KCNQ1: variants seen among roughly 807,000 people sequenced by gnomAD.
KCNQ1 encodes potassium voltage-gated channel subfamily Q member 1, also known as potassium voltage-gated channel subfamily KQT member 1.
Under a neutral mutation model 72.4 loss-of-function variants are expected in KCNQ1, and 49 were observed. The observed-to-expected ratio is 0.68, with a 90% confidence interval of 0.54 to 0.86. The LOEUF (loss-of-function observed/expected upper bound fraction) is 0.86. KCNQ1 is among the 40% of genes least tolerant of loss of function. The pLI is 0.00. For missense variants in KCNQ1, 790 were observed against 945.1 expected (o/e 0.84, Z 2.15); for synonymous variants, 450 against 412.6 (o/e 1.09, Z -1.10).
chr11:2,718,070 C>T (rs540640282), intron 11 of KCNQ1, among the ~76,000 whole-genome samples: 7 of 152,130 alleles, frequency 4.6e-5, no homozygotes, highest in African/African-American at 1.7e-4. Flanking sequence ...GTCTGTGGAG[C>T]TGCCTCTTCT....
At position 2,520,141 on chromosome 11, in the gene KCNQ1, C is replaced by T. The variant is rs375352936; in HGVS notation, c.387-7787C>T. Among the ~76,000 whole-genome samples, 4 of 152,330 alleles carry T rather than the reference C, an allele frequency of 2.6e-5. No homozygotes were observed. In the South Asian group the frequency reaches 8.3e-4, roughly 32 times the overall value. ...GCTGGGGCCCCTGGAGTCGGCCAGT[C>T]TGGGCACGTCCCATGCTGTGTCTGA... On this transcript the variant is annotated intron_variant, in intron 1 of 15. Transcript: ENST00000155840.
At chr11:2,570,825 C>A in intron 3 of KCNQ1, 71 bp downstream of exon 3, 1 of 1,594,264 alleles carries the variant, frequency 6.3e-7, no homozygotes, top group Non-Finnish European at 8.5e-7. Flanking sequence ...CCTCATGACC[C>A]CTACCAGATG....
At chr11:2,684,280 G>A in intron 11 of KCNQ1, 1 of 398,568 alleles carries the variant, frequency 2.5e-6, no homozygotes, top group Non-Finnish European at 4.4e-6. Context: ...GAGTTGGTTA[G>A]GCTGGAGCAT....
chr11:2,544,041 A>G lies in KCNQ1; in HGVS notation c.477+16023A>G, dbSNP rs1372456691. Among the ~76,000 whole-genome samples the G allele has an allele frequency of 6.6e-6, 1 of 152,098 alleles. No homozygotes were observed. The highest frequency in any genetic ancestry group is 2.1e-4 in the South Asian group (1 of 4,834). The stretch of plus-strand genomic sequence containing the variant: ...GTAATTTAGCCAACTTTGTTTTGCT[A>G]TTTCAAGTTGTGTTGGTTGTTCGGG... On this transcript the variant is annotated intron_variant, in intron 2 of 15. Coordinates refer to ENST00000155840, the MANE Select transcript of KCNQ1 (RefSeq NM_000218.3). This position sits in a 1 kb window ranked among gnomAD's most constrained non-coding sequence, Gnocchi z 4.4.
At chr11:2,719,367 G>A (rs1277394349) in intron 11 of KCNQ1, among the ~76,000 whole-genome samples, 3 of 151,144 alleles carry the variant, frequency 2.0e-5, no homozygotes, top group Non-Finnish European at 4.4e-5. Context: ...AAGGTGGTGC[G>A]TGCCTGTGGT....
In KCNQ1 at chr11:2,678,925, T is replaced by C. The variant is rs969884905; in HGVS notation, c.1514+16844T>C. 1.3e-5 allele frequency: 5 copies of C among 398,480 alleles called. No individual in the cohort carries two copies. The highest frequency in any genetic ancestry group is 4.1e-5 in the African/African-American group (2 of 48,592). 24.7% of individuals were successfully genotyped at this position (398,480 alleles called of 1,614,324 possible). A position where few individuals can be genotyped will look rare whatever the true frequency, so the allele number is the denominator to read the frequency against. The stretch of plus-strand genomic sequence containing the variant: ...TGTATGATCATACTTTCAGGGCATC[T>C]TGGAAAAACTGAATTTGCTAACTCA... On this transcript the variant is annotated intron_variant, in intron 11 of 15. Transcript: ENST00000155840. The surrounding 1 kb of genome is among the most constrained non-coding windows in gnomAD (Gnocchi z 4.9).
At chr11:2,736,619 A>C (rs965467225) in intron 11 of KCNQ1, among the ~76,000 whole-genome samples, 1 of 150,456 alleles carries the variant, frequency 6.6e-6, no homozygotes, top group African/African-American at 2.5e-5. Context: ...CGTCCCTCCC[A>C]CCCCCCAGTT....
At chr11:2,819,582 C>T (rs1448013597) in intron 15 of KCNQ1, among the ~76,000 whole-genome samples, 1 of 152,162 alleles carries the variant, frequency 6.6e-6, no homozygotes, top group Non-Finnish European at 1.5e-5. Flanking sequence ...GTGTTCATAC[C>T]TGATTTGGGC....
In KCNQ1 at chr11:2,734,958, C is replaced by T. The variant is rs1002297416; in HGVS notation, c.1515-33886C>T. 1.3e-5 allele frequency among the ~76,000 whole-genome samples: 2 copies of T among 151,970 alleles called. No individual in the cohort carries two copies. The highest frequency in any genetic ancestry group is 6.5e-5 in the Admixed American group (1 of 15,286). Reference sequence around the variant, plus strand: ...ATGTTCCAGTGCGACACATGTGCCCCGGAGTGGCCGCGTGCCCAGCCGGCT... The same window carrying T: ...ATGTTCCAGTGCGACACATGTGCCCTGGAGTGGCCGCGTGCCCAGCCGGCT... On this transcript the variant is annotated intron_variant, in intron 11 of 15. Coordinates refer to ENST00000155840, the MANE Select transcript of KCNQ1 (RefSeq NM_000218.3). This position sits in a 1 kb window ranked among gnomAD's most constrained non-coding sequence, Gnocchi z 7.0.
chr11:2,445,290 TGCGTCCCCG>T lies in KCNQ1; in HGVS notation c.195_203del (p.Ser66_Ala68del). The T allele has an allele frequency of 7.4e-7, 1 of 1,358,334 alleles. No homozygotes were observed. The highest frequency in any genetic ancestry group is 3.2e-5 in the Admixed American group (1 of 30,926). 84.1% of individuals were successfully genotyped at this position (1,358,334 alleles called of 1,614,324 possible). A position where few individuals can be genotyped will look rare whatever the true frequency, so the allele number is the denominator to read the frequency against. Reference sequence around the variant, plus strand: ...CCGGCGCCCCAGGTCCCGCGCCCCCTGCGTCCCCGGCCGCGCCCGCCGCGCCCCCAGTTG... The same window carrying T: ...CCGGCGCCCCAGGTCCCGCGCCCCCTGCCGCGCCCGCCGCGCCCCCAGTTG... On this transcript the variant is annotated inframe_deletion, in exon 1 of 16. Coordinates refer to ENST00000155840, the MANE Select transcript of KCNQ1 (RefSeq NM_000218.3).
chr11:2,456,832 G>A (rs1479514138), intron 1 of KCNQ1, among the ~76,000 whole-genome samples: 4 of 148,062 alleles, frequency 2.7e-5, no homozygotes, highest in East Asian at 3.9e-4. Context: ...CCAGCTACTC[G>A]GGAGGCTGAG....
chr11:2,689,678 G>C lies in KCNQ1; in HGVS notation c.1514+27597G>C, dbSNP rs541914340. On this transcript the variant is annotated intron_variant, in intron 11 of 15. Transcript: ENST00000155840. ...AGCCTCCTGAGAGGGCCAGGGCAGA[G>C]TGAGTAGCTGCAGGGGCAGCTGTCC... The C allele has an allele frequency of 1.5e-5, 6 of 398,652 alleles. No individual in the cohort carries two copies. In the East Asian group the frequency reaches 2.1e-4, roughly 14 times the overall value. 24.7% of individuals were successfully genotyped at this position (398,652 alleles called of 1,614,324 possible).
intron 1 of KCNQ1, among the ~76,000 whole-genome samples, chr11:2,499,525 T>A (rs972694): frequency 1.2e-5 from 1 of 83,252 alleles, no homozygotes; most frequent in Admixed American, 1.2e-4. Flanking sequence ...AATGGACCCC[T>A]GCCCCCACAA....
chr11:2,756,981 A>AAAAAAAAAAAC lies in KCNQ1; in HGVS notation c.1515-11863_1515-11862insAAAAAAAAAAC, dbSNP rs58902386. 1.5e-4 allele frequency among the ~76,000 whole-genome samples: 17 copies of AAAAAAAAAAAC among 115,218 alleles called. 2 individuals are homozygous for AAAAAAAAAAAC. The highest frequency in any genetic ancestry group is 2.3e-4 in the Non-Finnish European group (13 of 56,878). 75.6% of individuals were successfully genotyped at this position (115,218 alleles called of 152,430 possible). A position where few individuals can be genotyped will look rare whatever the true frequency, so the allele number is the denominator to read the frequency against. ...AAAAAAAAAAAAAAAAAAAAAAAAAACCCACAGCTAACATCACATCACACT... is the reference window on the plus strand; with the variant it reads ...AAAAAAAAAAAAAAAAAAAAAAAAAAAAAAAAAAAACCCCACAGCTAACATCACATCACACT... On this transcript the variant is annotated intron_variant, in intron 11 of 15. Coordinates refer to ENST00000155840, the MANE Select transcript of KCNQ1 (RefSeq NM_000218.3).
chr11:2,461,094 G>T (rs1229193975), intron 1 of KCNQ1, among the ~76,000 whole-genome samples: 4 of 152,190 alleles, frequency 2.6e-5, no homozygotes, highest in African/African-American at 9.7e-5. Flanking sequence ...GCAGCCTGGG[G>T]TGTTGAGAGG....
At position 2,652,725 on chromosome 11, in the gene KCNQ1, C is replaced by A; in HGVS notation, c.1394-9236C>A. ...TCTTTCCGTTTCCTGGGCTCACTCA[C>A]GCTCAGGGTTGACCCTGTCCTGGCT... On this transcript the variant is annotated intron_variant, in intron 10 of 15. Coordinates refer to ENST00000155840, the MANE Select transcript of KCNQ1 (RefSeq NM_000218.3). This position sits in a 1 kb window ranked among gnomAD's most constrained non-coding sequence, Gnocchi z 5.9. The A allele has an allele frequency of 2.5e-6, 1 of 398,912 alleles. No homozygotes were observed. Among genetic ancestry groups the A allele is most frequent in the Non-Finnish European group, 4.4e-6 (1 of 226,324 alleles). 24.7% of individuals were successfully genotyped at this position (398,912 alleles called of 1,614,324 possible).
intron 15 of KCNQ1, among the ~76,000 whole-genome samples, chr11:2,833,344 C>T (rs112515846): frequency 3.3e-5 from 5 of 152,212 alleles, no homozygotes; most frequent in African/African-American, 4.8e-5. Flanking sequence ...GTCCTCCCCC[C>T]ACCTGCCCAC....
rs903341660 is a variant in KCNQ1, at chr11:2,593,839, T to C, written c.1393+4985T>C. On this transcript the variant is annotated intron_variant, in intron 10 of 15. Transcript: ENST00000155840. This position sits in a 1 kb window ranked among gnomAD's most constrained non-coding sequence, Gnocchi z 6.9. ...TCCATTCAAAGCCGTGTGTTCTGAT[T>C]GTGCACTTTTGGTGGCTGCCACAGG... is the stretch of plus-strand genomic sequence containing the variant. Among the ~76,000 whole-genome samples, 1 of 152,194 alleles carries C rather than the reference T, an allele frequency of 6.6e-6. No homozygotes were observed. Among genetic ancestry groups the C allele is most frequent in the African/African-American group, 2.4e-5 (1 of 41,446 alleles).
chr11:2,576,556 G>C (rs1848426320), intron 6 of KCNQ1, among the ~76,000 whole-genome samples: 1 of 152,180 alleles, frequency 6.6e-6, no homozygotes, highest in South Asian at 2.1e-4. Context: ...ATTTAGAATT[G>C]AAAGTAAAGA....
Sources: allele counts gnomAD v4.1 joint callset (sites outside exome capture counted in the v4.1 genomes callset), GRCh38; gene constraint gnomAD v4.1.1; non-coding constraint Gnocchi (gnomAD v3.1); transcripts MANE v1.5; gene names NCBI Gene and HGNC (gene_info 2026-07-23, HGNC 2026-07-21).